IFT88: variants seen among roughly 807,000 people sequenced by gnomAD.
IFT88 encodes intraflagellar transport protein 88 homolog.
Under a neutral mutation model 119.5 loss-of-function variants are expected in IFT88, and 74 were observed. The observed-to-expected ratio is 0.62, with a 90% CI of 0.51 to 0.75. The LOEUF (loss-of-function observed/expected upper bound fraction) is 0.75, where lower values mean the gene tolerates loss of function less well. Ranked by LOEUF, IFT88 falls within the 30% of genes least tolerant of loss-of-function variation. The pLI, the probability that IFT88 is intolerant of heterozygous loss-of-function variation, is 0.00. For missense variants in IFT88, 961 were observed against 977.7 expected (o/e 0.98, Z 0.23); for synonymous variants, 279 against 316.7 (o/e 0.88, Z 1.26).
chr13:20,610,679 CA>C (rs35089663), intron 13 of IFT88, among the ~76,000 whole-genome samples: 31,208 of 139,668 alleles, frequency 0.22, 3,628 homozygotes, highest in Admixed American at 0.33. Flanking sequence ...CAGACAGTAC[CA>C]AAAAAAAAAA....
chr13:20,657,257 A>G (rs1037970820), intron 22 of IFT88, among the ~76,000 whole-genome samples: 2 of 152,260 alleles, frequency 1.3e-5, no homozygotes, highest in Non-Finnish European at 2.9e-5. Context: ...TTTATTTACT[A>G]TCTTGTTGCA....
Position 20,644,898 on chromosome 13 carries a change from A to G in IFT88, c.1889A>G (p.Tyr630Cys), listed in dbSNP as rs1410490930. The G allele has an allele frequency of 1.9e-6, 3 of 1,607,202 alleles. No individual in the cohort carries two copies. The African/African-American group carries it at 4.0e-5, about 21-fold the overall frequency. ...IEVIEWLGAY[Y>C]IDTQFWEKAI... ...GTCATTGAGTGGCTTGGAGCCTATT[A>G]CATTGACACCCAATTTTGGGAAAAA... Residue 630 changes from tyrosine to cysteine, a missense_variant, in exon 20 of 26, where the codon TAC (tyrosine) becomes TGC (cysteine). Physicochemically the swap from Tyr to Cys is radical, Grantham distance 194. Coordinates refer to ENST00000351808, the MANE Select transcript of IFT88 (RefSeq NM_006531.5).
At chr13:20,582,166 C>T (rs957496469) in intron 2 of IFT88, among the ~76,000 whole-genome samples, 12 of 151,910 alleles carry the variant, frequency 7.9e-5, no homozygotes, top group African/African-American at 2.7e-4. Context: ...GTAGGAAATA[C>T]GGGATGGTTG....
intron 1 of IFT88, among the ~76,000 whole-genome samples, chr13:20,567,517 C>A (rs1279515360): frequency 6.6e-6 from 1 of 152,244 alleles, no homozygotes; most frequent in Non-Finnish European, 1.5e-5. Flanking sequence ...TTTCTTGCTC[C>A]TCTGAACTGG....
intron 22 of IFT88, among the ~76,000 whole-genome samples, chr13:20,659,114 C>T (rs2053372697): frequency 6.6e-6 from 1 of 152,130 alleles, no homozygotes; most frequent in Non-Finnish European, 1.5e-5. Context: ...ATATTCTTCA[C>T]CAAAAATTGA....
chr13:20,591,395 AT>A (rs903734467), intron 5 of IFT88, among the ~76,000 whole-genome samples: 2 of 152,076 alleles, frequency 1.3e-5, no homozygotes, highest in African/African-American at 2.4e-5. Context: ...AAGCTGATTA[AT>A]TTTTTTTAAA....
At chr13:20,587,152 A>G (rs758439154) in intron 3 of IFT88, among the ~76,000 whole-genome samples, 15 of 152,104 alleles carry the variant, frequency 9.9e-5, no homozygotes, top group Non-Finnish European at 2.1e-4. Context: ...AAGAATATAT[A>G]TGTTCCACGA....
chr13:20,579,653 A>G (rs2038151845), intron 2 of IFT88, among the ~76,000 whole-genome samples: 1 of 152,302 alleles, frequency 6.6e-6, no homozygotes, highest in Non-Finnish European at 1.5e-5. Flanking sequence ...ACTGTGGCTG[A>G]GCTGATACCT....
chr13:20,574,298 C>A, intron 1 of IFT88, 82 bp from the exon 2 acceptor site: 1 of 639,830 alleles, frequency 1.6e-6, no homozygotes, highest in Non-Finnish European at 2.5e-6. Context: ...CCAGCCTGGG[C>A]AACAGAGCAA....
At chr13:20,568,345 CA>C (rs1450664217) in intron 1 of IFT88, among the ~76,000 whole-genome samples, 1 of 152,202 alleles carries the variant, frequency 6.6e-6, no homozygotes, top group Non-Finnish European at 1.5e-5. Flanking sequence ...TTCTGCCACC[CA>C]TAGCTATTAG....
At chr13:20,592,495 T>C in intron 7 of IFT88, 91 bp downstream of exon 7, 33 of 778,734 alleles carry the variant, frequency 4.2e-5, no homozygotes, top group Non-Finnish European at 6.9e-5. Context: ...TTTGAGATGA[T>C]ATCTCACTCT....
chr13:20,656,436 T>C lies in IFT88; in HGVS notation c.2068+6T>C. On this transcript the variant is annotated splice_donor_region_variant and intron_variant, in intron 22 of 25. Transcript: ENST00000351808. ...ATTTCCAGAAAATGTCGAATGTAAGTGGCATTACATAATGTAACTTTGAAG... is the reference window on the plus strand; with the variant it reads ...ATTTCCAGAAAATGTCGAATGTAAGCGGCATTACATAATGTAACTTTGAAG... 7.1e-7 allele frequency: 1 copy of C among 1,402,932 alleles called. No homozygotes were observed. The highest frequency in any genetic ancestry group is 2.4e-5 in the East Asian group (1 of 41,334). 86.9% of individuals were successfully genotyped at this position (1,402,932 alleles called of 1,614,324 possible). A position where few individuals can be genotyped will look rare whatever the true frequency, so the allele number is the denominator to read the frequency against.
At chr13:20,632,002 G>A (rs2048274553) in intron 16 of IFT88, 1 of 151,946 alleles carries the variant, frequency 6.6e-6, no homozygotes. Flanking sequence ...AAATTAGCTG[G>A]GCATGATGGT....
intron 24 of IFT88, among the ~76,000 whole-genome samples, chr13:20,675,387 C>T (rs73433375): frequency 6.6e-6 from 1 of 152,096 alleles, no homozygotes; most frequent in Admixed American, 6.5e-5. Flanking sequence ...ATCCAGCCCA[C>T]TTTGTATACG....
chr13:20,677,755 A>G (rs976791902), intron 24 of IFT88, among the ~76,000 whole-genome samples: 1 of 152,246 alleles, frequency 6.6e-6, no homozygotes, highest in Non-Finnish European at 1.5e-5. Flanking sequence ...TCTTAAAAAT[A>G]GAAGAGAGAG....
intron 18 of IFT88, 93 bp downstream of exon 18, chr13:20,641,491 T>G (rs1282682049): frequency 4.2e-6 from 3 of 713,186 alleles, no homozygotes; most frequent in Non-Finnish European, 7.2e-6. Context: ...ATGAAGTAAT[T>G]GATGAGGATA....
In IFT88 at chr13:20,687,036, A is replaced by C. The variant is rs996257656; in HGVS notation, c.2243-3669A>C. Among the ~76,000 whole-genome samples, 26 of 150,922 alleles carry C rather than the reference A, an allele frequency of 1.7e-4. 1 individual carries two copies. Among genetic ancestry groups the C allele is most frequent in the African/African-American group, 2.7e-4 (11 of 41,140 alleles). On this transcript the variant is annotated intron_variant, in intron 24 of 25. Coordinates refer to ENST00000351808, the MANE Select transcript of IFT88 (RefSeq NM_006531.5). ...CACTTTCTTACCAAAAAAAAAAAAA[A>C]AAAAAAAAAAAAACCTCATATTTAA...
At chr13:20,674,941 C>T (rs1316069483) in intron 24 of IFT88, among the ~76,000 whole-genome samples, 1 of 151,674 alleles carries the variant, frequency 6.6e-6, no homozygotes, top group East Asian at 1.9e-4. Context: ...TCTCGATCTC[C>T]TGACCTCGTG....
chr13:20,651,769 G>GA (rs200961069), intron 20 of IFT88, among the ~76,000 whole-genome samples: 7 of 151,254 alleles, frequency 4.6e-5, no homozygotes, highest in South Asian at 2.1e-4. Context: ...GTTTGTATAG[G>GA]AAAAAAAATA....
Sources: gnomAD v4.1 joint callset for allele counts (sites outside exome capture counted in the v4.1 genomes callset) on GRCh38, gnomAD v4.1.1 for gene constraint, MANE v1.5 for transcripts, NCBI Gene and HGNC (gene_info 2026-07-23, HGNC 2026-07-21) for gene names.